DAB1: variants seen among roughly 807,000 people sequenced by gnomAD.
DAB1 encodes the protein disabled homolog 1.
Under a neutral mutation model 64.6 loss-of-function variants are expected in DAB1, and 15 were observed. That is an observed-to-expected ratio of 0.23 (90% CI 0.16 to 0.36). The LOEUF is 0.36. Among genes scored for constraint, DAB1 ranks in the 10% least tolerant of loss-of-function variants. The probability of loss-of-function intolerance (pLI) is 1.00; values close to 1 mark genes in which losing one functional copy is unlikely to be tolerated. For synonymous variants in DAB1, 235 were observed against 251.9 expected, an observed-to-expected ratio of 0.93 and a Z score of 0.64; for missense variants, 596 against 706.7, an observed-to-expected ratio of 0.84 and a Z score of 1.78.
At chr1:57,207,242 T>C (rs1665639688) in intron 2 of DAB1, among the ~76,000 whole-genome samples, 1 of 151,832 alleles carries the variant, frequency 6.6e-6, no homozygotes, top group Non-Finnish European at 1.5e-5. Flanking sequence ...GTGCTGGGAT[T>C]ACAGGCGTGA....
At chr1:57,042,072 G>A (rs1219324897) in intron 9 of DAB1, among the ~76,000 whole-genome samples, 1 of 152,056 alleles carries the variant, frequency 6.6e-6, no homozygotes, top group Non-Finnish European at 1.5e-5. Context: ...TTGTAACAAG[G>A]AAACAGGCTC....
At chr1:57,139,765 C>T (rs1157968824) in intron 3 of DAB1, among the ~76,000 whole-genome samples, 1 of 152,216 alleles carries the variant, frequency 6.6e-6, no homozygotes, top group East Asian at 1.9e-4. Context: ...GCCCCCTTTG[C>T]TTGCTGGTGT....
At chr1:57,110,598 T>C (rs1655566518) in intron 4 of DAB1, among the ~76,000 whole-genome samples, 1 of 152,262 alleles carries the variant, frequency 6.6e-6, no homozygotes, top group African/African-American at 2.4e-5. Context: ...TTCCAGGAAC[T>C]GGGCCAGATA....
chr1:58,514,039 C>A (rs1356736831), intron 2 of DAB1, among the ~76,000 whole-genome samples: 1 of 152,134 alleles, frequency 6.6e-6, no homozygotes, highest in African/African-American at 2.4e-5. Flanking sequence ...ATAATTCTTG[C>A]AAAGCAGCCA....
chr1:57,789,756 G>A (rs946492285), intron 6 of DAB1, among the ~76,000 whole-genome samples: 19 of 152,310 alleles, frequency 1.2e-4, no homozygotes, highest in African/African-American at 4.1e-4. Flanking sequence ...CAGCCTTCAC[G>A]TACTCCTATG....
chr1:58,213,562 A>G (rs1223136010), intron 4 of DAB1, among the ~76,000 whole-genome samples: 1 of 152,070 alleles, frequency 6.6e-6, no homozygotes, highest in Non-Finnish European at 1.5e-5. Flanking sequence ...CTCACTCACT[A>G]CCATGAGAAC....
At chr1:57,834,463 C>A (rs935931690) in intron 1 of DAB1, among the ~76,000 whole-genome samples, 5 of 151,984 alleles carry the variant, frequency 3.3e-5, no homozygotes, top group Non-Finnish European at 7.4e-5. Context: ...TTCATTAGTA[C>A]CTACCATGTA....
intron 5 of DAB1, among the ~76,000 whole-genome samples, chr1:58,116,396 C>T (rs558609658): frequency 6.6e-6 from 1 of 152,320 alleles, no homozygotes; most frequent in African/African-American, 2.4e-5. Flanking sequence ...TGATTTGTTG[C>T]TACACACATT....
chr1:57,096,151 T>G (rs998576771), intron 4 of DAB1, among the ~76,000 whole-genome samples: 4 of 152,184 alleles, frequency 2.6e-5, no homozygotes, highest in Non-Finnish European at 5.9e-5. Flanking sequence ...TGAGAGGGGT[T>G]GTCCTTTGTT....
intron 6 of DAB1, among the ~76,000 whole-genome samples, chr1:57,691,618 T>C (rs1271852749): frequency 6.6e-6 from 1 of 152,040 alleles, no homozygotes; most frequent in Non-Finnish European, 1.5e-5. Context: ...AGTGAGACCA[T>C]GAACTCACCA....
At chr1:58,402,604 G>C (rs1644580929) in intron 3 of DAB1, among the ~76,000 whole-genome samples, 1 of 151,864 alleles carries the variant, frequency 6.6e-6, no homozygotes, top group African/African-American at 2.4e-5. Flanking sequence ...TCAATAAATA[G>C]TTGTTCAATG....
chr1:57,178,300 CAAA>C (rs58705693), intron 2 of DAB1, among the ~76,000 whole-genome samples: 1 of 123,592 alleles, frequency 8.1e-6, no homozygotes, highest in African/African-American at 2.6e-5. Context: ...AAGATATATG[CAAA>C]AAAAAAAAAA....
chr1:57,764,107 G>A (rs1241800451), intron 6 of DAB1, among the ~76,000 whole-genome samples: 3 of 152,080 alleles, frequency 2.0e-5, no homozygotes, highest in African/African-American at 7.2e-5. Flanking sequence ...AGGGCACAAA[G>A]CCAGCCATGG....
intron 2 of DAB1, among the ~76,000 whole-genome samples, chr1:58,509,547 A>G (rs2100423711): frequency 6.6e-6 from 1 of 151,310 alleles, no homozygotes; most frequent in East Asian, 1.9e-4. Flanking sequence ...AAAAAAAAAA[A>G]GAAGAAAGCA....
At chr1:57,722,524 G>A (rs1173789301) in intron 6 of DAB1, among the ~76,000 whole-genome samples, 1 of 152,162 alleles carries the variant, frequency 6.6e-6, no homozygotes, top group African/African-American at 2.4e-5. Context: ...GGTATTCCCA[G>A]CAGTGAATAC....
chr1:57,900,268 G>A (rs1159774035), intron 5 of DAB1, among the ~76,000 whole-genome samples: 2 of 152,200 alleles, frequency 1.3e-5, no homozygotes, highest in Non-Finnish European at 2.9e-5. Context: ...GTCTCCCATG[G>A]AGAGAGGTGT....
intron 3 of DAB1, among the ~76,000 whole-genome samples, chr1:58,462,168 G>A (rs569339866): frequency 8.5e-5 from 12 of 141,050 alleles, no homozygotes; most frequent in Admixed American, 3.0e-4. Context: ...CGCCCAGGCC[G>A]GACTGCGGAC....
intron 9 of DAB1, among the ~76,000 whole-genome samples, chr1:57,050,043 T>C (rs1457509898): frequency 3.3e-5 from 5 of 152,196 alleles, no homozygotes; most frequent in Non-Finnish European, 7.3e-5. Context: ...CTGCTAACAC[T>C]GTCTCTTCTG....
At chr1:58,217,542 C>T (rs563854013) in intron 4 of DAB1, among the ~76,000 whole-genome samples, 83 of 152,318 alleles carry the variant, frequency 5.4e-4, no homozygotes, top group Non-Finnish European at 9.0e-4. Flanking sequence ...CAGTTATTTG[C>T]TTCCTCGCCT....
Sources: gnomAD v4.1 joint callset for allele counts (sites outside exome capture counted in the v4.1 genomes callset) on GRCh38, gnomAD v4.1.1 for gene constraint, MANE v1.5 for transcripts, NCBI Gene and HGNC (gene_info 2026-07-23, HGNC 2026-07-21) for gene names.